RGPD1: variants seen among roughly 807,000 people sequenced by gnomAD.
The protein encoded by RGPD1 is RANBP2 like and GRIP domain containing 1, also known as RANBP2-like and GRIP domain-containing protein 1.
In RGPD1, 7 loss-of-function variants were observed where a neutral mutation model predicts 40.6. The observed-to-expected ratio is 0.17, with a 90% CI of 0.10 to 0.32. RGPD1 has a LOEUF of 0.32. Ranked by LOEUF, RGPD1 falls within the 10% of genes least tolerant of loss-of-function variation. RGPD1 has a pLI of 1.00. For synonymous variants in RGPD1, 24 were observed against 167.0 expected (o/e 0.14, Z 6.60); for missense variants, 50 against 472.5 (o/e 0.11, Z 8.29).
At chr2:86,941,529 G>A (rs1046434441), upstream of RGPD1, among the ~76,000 whole-genome samples, 1 of 148,922 alleles carries the variant, frequency 6.7e-6, no homozygotes, top group African/African-American at 2.5e-5. Context: ...ACCGGCTTGA[G>A]CCACTGTGCC....
Position 86,942,169 on chromosome 2 carries a change from T to TG in RGPD1, c.-66dup, listed in dbSNP as rs1679831284. The TG allele has an allele frequency of 6.5e-7, 1 of 1,530,464 alleles. No individual in the cohort carries two copies. The highest frequency in any genetic ancestry group is 1.4e-5 in the African/African-American group (1 of 72,228). The allele number at this position is 1,530,464 out of a possible 1,614,324, so 94.8% of individuals were successfully genotyped here. ...CAGTGGCTTTCAGGCGCTTTCCTGTTGGAATTGGCGACTGCTGCGGGGCTG... is the reference window on the plus strand; with the variant it reads ...CAGTGGCTTTCAGGCGCTTTCCTGTTGGGAATTGGCGACTGCTGCGGGGCTG... On this transcript the variant is annotated 5_prime_UTR_variant, in exon 1 of 23. Coordinates refer to ENST00000641458, the MANE Select transcript of RGPD1 (RefSeq NM_001382344.1).
At chr2:86,939,573 C>T (rs1436798605), upstream of RGPD1, among the ~76,000 whole-genome samples, 2 of 127,866 alleles carry the variant, frequency 1.6e-5, no homozygotes, top group African/African-American at 3.2e-5. Context: ...AGTGAAACTC[C>T]GTCTCAAAAA....
chr2:86,915,112 G>C (rs934587343), intron 1 of RGPD1, among the ~76,000 whole-genome samples: 2 of 149,794 alleles, frequency 1.3e-5, no homozygotes, highest in Non-Finnish European at 3.0e-5. Context: ...CCTGGCCAAC[G>C]TGGTGAAACC....
At position 86,986,617 on chromosome 2, in the gene RGPD1, GAAT is replaced by G; in HGVS notation, c.3719_3721del (p.Glu1240_Trp1241delinsGly). ...TCCTGAAAACACTGGGCCCACATTAGAATGGGATAACTATGATTTAAGGGAAGA... is the reference window on the plus strand; with the variant it reads ...TCCTGAAAACACTGGGCCCACATTAGGGGATAACTATGATTTAAGGGAAGA... On this transcript the variant is annotated inframe_deletion, in exon 20 of 23. Transcript: ENST00000641458. 1 of 464,354 alleles carries G rather than the reference GAAT, an allele frequency of 2.2e-6. No individual in the cohort carries two copies. The highest frequency in any genetic ancestry group is 3.5e-6 in the Non-Finnish European group (1 of 282,212). The allele number at this position is 464,354 out of a possible 1,614,324, so 28.8% of individuals were successfully genotyped here.
chr2:86,925,934 C>G (rs1480211599), intron 1 of RGPD1, among the ~76,000 whole-genome samples: 1 of 152,070 alleles, frequency 6.6e-6, no homozygotes. Flanking sequence ...TTAAAAAAAT[C>G]CATTTAGTGT....
intron 1 of RGPD1, among the ~76,000 whole-genome samples, chr2:86,926,929 AGT>A (rs1678551469): frequency 1.3e-5 from 2 of 152,058 alleles, no homozygotes; most frequent in East Asian, 3.9e-4. Context: ...TTAATCCTTG[AGT>A]AGTTTGGAAC....
Position 86,929,582 on chromosome 2 carries a change from G to A in RGPD1, c.72+15661G>A, listed in dbSNP as rs1324863807. On this transcript the variant is annotated intron_variant, in intron 1 of 22. Coordinates refer to the RGPD1 transcript ENST00000398193. Reference sequence around the variant, plus strand: ...CCCTGGGAAATAGGTCCTATTATTAGGCGCCCTTTCTACAGATGAGGAAAC... The same window carrying A: ...CCCTGGGAAATAGGTCCTATTATTAAGCGCCCTTTCTACAGATGAGGAAAC... Among the ~76,000 whole-genome samples, 4 of 147,806 alleles carry A rather than the reference G, an allele frequency of 2.7e-5. 1 individual carries two copies. In the South Asian group the frequency reaches 6.6e-4, roughly 24 times the overall value.
upstream of RGPD1, among the ~76,000 whole-genome samples, chr2:86,940,871 A>G (rs1040467684): frequency 4.0e-5 from 6 of 151,844 alleles, no homozygotes; most frequent in African/African-American, 1.5e-4. Flanking sequence ...AGGATTTTCC[A>G]CTCCAAACTA....
chr2:86,941,094 A>G (rs980635157), upstream of RGPD1, among the ~76,000 whole-genome samples: 4 of 152,170 alleles, frequency 2.6e-5, no homozygotes, highest in African/African-American at 9.6e-5. Context: ...CAACCAAAAT[A>G]GCCCAAATTT....
intron 1 of RGPD1, among the ~76,000 whole-genome samples, chr2:86,914,138 G>A (rs1399521365): frequency 2.5e-5 from 2 of 78,856 alleles, no homozygotes; most frequent in Non-Finnish European, 4.6e-5. Context: ...GCCGGGCGGC[G>A]GCGGCGGCGG....
chr2:86,924,683 G>A (rs547570078), intron 1 of RGPD1, among the ~76,000 whole-genome samples: 30 of 151,464 alleles, frequency 2.0e-4, no homozygotes, highest in African/African-American at 7.2e-4. Flanking sequence ...TGTTGCCCAG[G>A]CTGGTCTCAA....
In RGPD1 at chr2:86,934,750, G is replaced by T. The variant is rs189023937; in HGVS notation, c.73-16546G>T. ...CTTGGCTTGCGCCTGCTGGGTTTCC[G>T]AAGACATGTCCTATTCGGCTGGTTT... is the stretch of plus-strand genomic sequence containing the variant. On this transcript the variant is annotated intron_variant, in intron 1 of 22. Transcript: ENST00000398193. The T allele has an allele frequency of 7.7e-5, 15 of 195,982 alleles. 1 individual carries two copies. The highest frequency in any genetic ancestry group is 1.4e-4 in the Non-Finnish European group (14 of 96,814). 12.1% of individuals were successfully genotyped at this position (195,982 alleles called of 1,614,324 possible).
chr2:86,914,644 G>GGGCGGCGGCGGCGGCGGCGGCGGCGGC (rs1181852229), intron 1 of RGPD1, among the ~76,000 whole-genome samples: 1 of 7,562 alleles, frequency 1.3e-4, no homozygotes, highest in Non-Finnish European at 2.1e-4. Context: ...CGACCTGGCC[G>GGGCGGCGGCGGCGGCGGCGGCGGCGGC]GGCGGCGGCG....
chr2:86,960,663 C>G (rs1680915763), intron 6 of RGPD1, among the ~76,000 whole-genome samples: 1 of 119,626 alleles, frequency 8.4e-6, no homozygotes, highest in South Asian at 2.4e-4. Flanking sequence ...CATCTCGGCT[C>G]ACTGCAAGCT....
chr2:86,942,466 CCGGCCTCGACCTGGCCGGGCGG>C (rs1558799478), intron 1 of RGPD1, among the ~76,000 whole-genome samples, 158 bp downstream of exon 1: 10 of 53,608 alleles, frequency 1.9e-4, no homozygotes, highest in Non-Finnish European at 3.6e-4. Context: ...TGTTGAGGCG[CCGGCCTCGACCTGGCCGGGCGG>C]CGGCGGCGGC....
chr2:86,955,074 C>G (rs1263376292), intron 4 of RGPD1, among the ~76,000 whole-genome samples: 19 of 13,478 alleles, frequency 1.4e-3, no homozygotes, highest in South Asian at 5.8e-3. Context: ...AATCTCGGCT[C>G]ACTGCCACCT....
chr2:86,939,337 G>T (rs1035510897), upstream of RGPD1, among the ~76,000 whole-genome samples: 3 of 148,172 alleles, frequency 2.0e-5, 1 homozygote, highest in African/African-American at 7.7e-5. Flanking sequence ...CGAGCACTTT[G>T]GGAGGCTGAG....
intron 1 of RGPD1, among the ~76,000 whole-genome samples, chr2:86,925,179 C>T (rs1678389536): frequency 6.6e-6 from 1 of 152,108 alleles, no homozygotes; most frequent in Non-Finnish European, 1.5e-5. Flanking sequence ...GAGTTCTTGA[C>T]CATATTTTCC....
At chr2:86,913,839 T>G (rs1387939955) in exon 1 of RGPD1, 1 of 1,572,626 alleles carries the variant, frequency 6.4e-7, no homozygotes, top group Non-Finnish European at 8.6e-7. Context: ...GGGAGCCAGG[T>G]TGGCGGTGCG....
Sources: gnomAD v4.1 joint callset for allele counts (sites outside exome capture counted in the v4.1 genomes callset) on GRCh38, gnomAD v4.1.1 for gene constraint, MANE v1.5 for transcripts, NCBI Gene and HGNC (gene_info 2026-07-23, HGNC 2026-07-21) for gene names.